The following PIK3CD variants were observed in gnomAD, a reference collection of about 807,000 sequenced individuals.
The protein encoded by PIK3CD is phosphatidylinositol 4,5-bisphosphate 3-kinase catalytic subunit delta isoform.
Under a neutral mutation model 122.9 loss-of-function variants are expected in PIK3CD, and 20 were observed. That is an observed-to-expected ratio of 0.16 (90% CI 0.11 to 0.24). The LOEUF (loss-of-function observed/expected upper bound fraction) is 0.24. PIK3CD is among the 10% of genes least tolerant of loss of function. The pLI is 1.00. For synonymous variants in PIK3CD, 596 were observed against 593.4 expected (o/e 1.00, Z -0.06); for missense variants, 787 against 1,406.3 (o/e 0.56, Z 7.04).
At chr1:9,708,709 C>T (rs1443980884) in intron 2 of PIK3CD, among the ~76,000 whole-genome samples, 4 of 151,948 alleles carry the variant, frequency 2.6e-5, no homozygotes, top group Non-Finnish European at 4.4e-5. Context: ...ATTAGTTGGA[C>T]GTGGTGGCAG....
chr1:9,723,907 C>A lies in PIK3CD; in HGVS notation c.2595-62C>A. 2 of 1,500,204 alleles carry A rather than the reference C, an allele frequency of 1.3e-6. No homozygotes were observed. The highest frequency in any genetic ancestry group is 1.1e-5 in the South Asian group (1 of 88,054). The allele number at this position is 1,500,204 out of a possible 1,614,324, so 92.9% of individuals were successfully genotyped here. A position where few individuals can be genotyped will look rare whatever the true frequency, so the allele number is the denominator to read the frequency against. ...TTCAAGGGGAGAGGGAGTAATAACCCACCTCTTGATAGGCGGAGCTGCAAA... is the reference window on the plus strand; with the variant it reads ...TTCAAGGGGAGAGGGAGTAATAACCAACCTCTTGATAGGCGGAGCTGCAAA... On this transcript the variant is annotated intron_variant, in intron 20 of 23. Coordinates refer to ENST00000377346, the MANE Select transcript of PIK3CD (RefSeq NM_005026.5). The surrounding 1 kb of genome is among the most constrained non-coding windows in gnomAD (Gnocchi z 4.9).
intron 15 of PIK3CD, 30 bp from the exon 16 acceptor site, chr1:9,721,731 G>A (rs1331671454): frequency 1.9e-6 from 3 of 1,610,346 alleles, no homozygotes; most frequent in Non-Finnish European, 8.5e-7. Context: ...GTGCTGCCTG[G>A]TGAGGCTCAG....
rs771951762 is a variant in PIK3CD, at chr1:9,724,055, G to A, written c.2681G>A (p.Arg894Gln). ...ACATATGTGCTGGGCATTGGCGATC[G>A]GCACAGCGACAACATCATGATCCGA... ...VATYVLGIGD[R>Q]HSDNIMIRES... is the part of the protein sequence containing the mutation. Residue 894 changes from arginine (R) to glutamine (Q), a missense_variant, in exon 21 of 24, where the codon CGG (arginine) becomes CAG (glutamine). This residue lies in a region of PIK3CD where 17 missense variants were observed against 97.0 expected (regional missense o/e 0.18). Coordinates refer to ENST00000377346, the MANE Select transcript of PIK3CD (RefSeq NM_005026.5). This position sits in a 1 kb window ranked among gnomAD's most constrained non-coding sequence, Gnocchi z 7.3. 4 of 1,614,188 alleles carry A rather than the reference G, an allele frequency of 2.5e-6. No individual in the cohort carries two copies. Among genetic ancestry groups the A allele is most frequent in the Non-Finnish European group, 2.5e-6 (3 of 1,180,032 alleles).
the PIK3CD span, among the ~76,000 whole-genome samples, chr1:9,633,099 G>A: frequency 0.61 from 92,330 of 151,794 alleles, 30,214 homozygotes; most frequent in Non-Finnish European, 0.74. Flanking sequence ...CTGACCTCGT[G>A]ATCCGCCCGC....
At chr1:9,665,193 C>T (rs1024269713) in intron 1 of PIK3CD, among the ~76,000 whole-genome samples, 6 of 115,288 alleles carry the variant, frequency 5.2e-5, no homozygotes, top group Non-Finnish European at 1.0e-4. Context: ...AACAGAGTGA[C>T]AGCCTGTCAA....
At chr1:9,725,506 G>C (rs1649393375) in intron 23 of PIK3CD, among the ~76,000 whole-genome samples, 2 of 152,200 alleles carry the variant, frequency 1.3e-5, no homozygotes, top group South Asian at 4.2e-4. Flanking sequence ...AGTGAGCCGA[G>C]ATTGTGCCAT....
the PIK3CD span, among the ~76,000 whole-genome samples, chr1:9,643,106 AAAG>A: frequency 7.1e-6 from 1 of 141,040 alleles, no homozygotes; most frequent in Non-Finnish European, 1.5e-5. Context: ...GAAAGGAAGA[AAAG>A]AAAGAGAAAG....
chr1:9,640,133 C>T, the PIK3CD span, among the ~76,000 whole-genome samples: 1 of 152,064 alleles, frequency 6.6e-6, no homozygotes, highest in Admixed American at 6.6e-5. Flanking sequence ...GAGATATGCA[C>T]CCATCATTGT....
intron 23 of PIK3CD, among the ~76,000 whole-genome samples, chr1:9,726,274 C>G (rs961962091): frequency 6.6e-6 from 1 of 151,990 alleles, no homozygotes; most frequent in African/African-American, 2.4e-5. Flanking sequence ...TTTGGGAGGC[C>G]AAGGCGGGTG....
rs1210679736 is a variant in PIK3CD, at chr1:9,704,566, G to A, written c.-32-5858G>A. Reference sequence around the variant, plus strand: ...CTCACTCTATTGCCCAGGCTGGAGTGCAGTGGCACAATCTCAGCTAACTGC... The same window carrying A: ...CTCACTCTATTGCCCAGGCTGGAGTACAGTGGCACAATCTCAGCTAACTGC... On this transcript the variant is annotated intron_variant, in intron 2 of 23. Transcript: ENST00000377346. The surrounding 1 kb of genome is among the most constrained non-coding windows in gnomAD (Gnocchi z 5.0). Among the ~76,000 whole-genome samples the A allele has an allele frequency of 6.6e-6, 1 of 152,226 alleles. No individual in the cohort carries two copies. The highest frequency in any genetic ancestry group is 1.5e-5 in the Non-Finnish European group (1 of 68,034).
At chr1:9,647,865 T>C (rs764161671), upstream of PIK3CD, among the ~76,000 whole-genome samples, 36 of 152,114 alleles carry the variant, frequency 2.4e-4, no homozygotes, top group Non-Finnish European at 4.9e-4. Flanking sequence ...TCAGAGTGTT[T>C]ATGGATGTAA....
At chr1:9,707,341 T>G (rs539956534) in intron 2 of PIK3CD, among the ~76,000 whole-genome samples, 1 of 151,492 alleles carries the variant, frequency 6.6e-6, no homozygotes, top group Non-Finnish European at 1.5e-5. Context: ...TTTTTTTCCT[T>G]GAGTGTTACA....
intron 1 of PIK3CD, among the ~76,000 whole-genome samples, chr1:9,684,549 A>G (rs1474593418): frequency 3.3e-5 from 5 of 149,706 alleles, no homozygotes; most frequent in African/African-American, 5.0e-5. Context: ...AAAAAAAAAA[A>G]AAAGAAAAAA....
intron 2 of PIK3CD, among the ~76,000 whole-genome samples, chr1:9,706,563 T>C (rs1210863258): frequency 6.6e-6 from 1 of 152,108 alleles, no homozygotes; most frequent in South Asian, 2.1e-4. Flanking sequence ...AAAATCTACA[T>C]TCAGATCAAG....
chr1:9,725,083 AG>A, intron 23 of PIK3CD, 147 bp downstream of exon 23: 1 of 1,070,858 alleles, frequency 9.3e-7, no homozygotes, highest in Non-Finnish European at 1.4e-6. Flanking sequence ...CCAGCAGTGG[AG>A]CTGGTGGGCG....
At position 9,710,701 on chromosome 1, in the gene PIK3CD, A is replaced by G; in HGVS notation, c.141+105A>G. Reference sequence around the variant, plus strand: ...GACAGACAGATGGACAGGTGGACAGACGGACAGACAGATGGACAGATGCAC... The same window carrying G: ...GACAGACAGATGGACAGGTGGACAGGCGGACAGACAGATGGACAGATGCAC... On this transcript the variant is annotated intron_variant, in intron 3 of 23. Transcript: ENST00000377346. This position sits in a 1 kb window ranked among gnomAD's most constrained non-coding sequence, Gnocchi z 4.7. 7.9e-7 allele frequency: 1 copy of G among 1,265,172 alleles called. No individual in the cohort carries two copies. Among genetic ancestry groups the G allele is most frequent in the Non-Finnish European group, 1.1e-6 (1 of 870,096 alleles). The allele number at this position is 1,265,172 out of a possible 1,614,324, so 78.4% of individuals were successfully genotyped here. A position where few individuals can be genotyped will look rare whatever the true frequency, so the allele number is the denominator to read the frequency against.
chr1:9,716,811 A>G, intron 6 of PIK3CD, 148 bp from the exon 7 acceptor site: 4 of 1,227,632 alleles, frequency 3.3e-6, no homozygotes, highest in Non-Finnish European at 4.7e-6. Flanking sequence ...TGGGAGGTGG[A>G]GGTGGGGCAG....
rs891726766 is a variant in PIK3CD at position 9,719,142 on chromosome 1, G to A, written c.1242+227G>A. Among the ~76,000 whole-genome samples, 1 of 152,254 alleles carries A rather than the reference G, an allele frequency of 6.6e-6. No homozygotes were observed. The highest frequency in any genetic ancestry group is 2.4e-5 in the African/African-American group (1 of 41,468). On this transcript the variant is annotated intron_variant, in intron 9 of 23. Coordinates refer to ENST00000377346, the MANE Select transcript of PIK3CD (RefSeq NM_005026.5). This position sits in a 1 kb window ranked among gnomAD's most constrained non-coding sequence, Gnocchi z 5.5. ...TGTGCATGCGGCCTCAGAATATCTGGCCTGGGCTGTGGTCCTGCAGGAACC... is the reference window on the plus strand; with the variant it reads ...TGTGCATGCGGCCTCAGAATATCTGACCTGGGCTGTGGTCCTGCAGGAACC...
chr1:9,693,080 A>T (rs1646266571), intron 2 of PIK3CD, among the ~76,000 whole-genome samples: 1 of 152,170 alleles, frequency 6.6e-6, no homozygotes, highest in Non-Finnish European at 1.5e-5. Flanking sequence ...AGTTTGGAAA[A>T]TACCAAAAAC....
Sources: gnomAD v4.1 joint callset for allele counts (sites outside exome capture counted in the v4.1 genomes callset) on GRCh38, gnomAD v4.1.1 for gene constraint, gnomAD v4.1.1 regional missense constraint, Gnocchi (gnomAD v3.1) non-coding constraint, MANE v1.5 for transcripts, NCBI Gene and HGNC (gene_info 2026-07-23, HGNC 2026-07-21) for gene names.